RBMS3: variants seen among roughly 807,000 people sequenced by gnomAD.
RBMS3 encodes the protein RNA binding motif single stranded interacting protein 3, also known as RNA-binding motif, single-stranded-interacting protein 3.
RBMS3 carries 27 observed loss-of-function variants against 66.8 expected under a neutral mutation model. The ratio of observed to expected loss-of-function variants is 0.40; its 90% CI spans 0.30 to 0.56. The LOEUF (loss-of-function observed/expected upper bound fraction) is 0.56. Among genes scored for constraint, RBMS3 ranks in the 20% least tolerant of loss-of-function variants. The pLI, the probability that RBMS3 is intolerant of heterozygous loss-of-function variation, is 0.40. For missense variants in RBMS3, 513 were observed against 549.5 expected (o/e 0.93, Z 0.66); for synonymous variants, 188 against 183.0 (o/e 1.03, Z -0.22).
chr3:29,402,495 A>G (rs1489799292), intron 1 of RBMS3, among the ~76,000 whole-genome samples: 3 of 152,220 alleles, frequency 2.0e-5, no homozygotes, highest in African/African-American at 7.2e-5. Flanking sequence ...CAAAAATGTG[A>G]GTAAAATTAT....
At chr3:29,309,203 G>A (rs1200189570) in intron 1 of RBMS3, among the ~76,000 whole-genome samples, 3 of 139,400 alleles carry the variant, frequency 2.2e-5, no homozygotes, top group Admixed American at 7.0e-5. Context: ...CTGAAAATGG[G>A]GTATTTCCAC....
intron 3 of RBMS3, among the ~76,000 whole-genome samples, chr3:29,532,190 A>T (rs1383821718): frequency 6.8e-6 from 1 of 147,490 alleles, no homozygotes; most frequent in Non-Finnish European, 1.5e-5. Context: ...CAGAAAGATC[A>T]TTCCTGATCT....
At chr3:29,497,390 G>A (rs775777821) in intron 3 of RBMS3, among the ~76,000 whole-genome samples, 8 of 152,214 alleles carry the variant, frequency 5.3e-5, no homozygotes, top group Middle Eastern at 3.4e-3. Flanking sequence ...ACTTTCACCC[G>A]TAAACCGAAT....
In RBMS3 at chr3:29,583,350, G is replaced by A. The variant is rs1471135; in HGVS notation, c.308-3764G>A. On this transcript the variant is annotated intron_variant, in intron 3 of 14. Transcript: ENST00000383767. ...AAAATAAGAGGCTGCCTGCTGGGTG[G>A]CAGCATGGCTGAAACAGAACCATGA... Among the ~76,000 whole-genome samples, 1,065 of 152,256 alleles carry A rather than the reference G, an allele frequency of 7.0e-3. 31 individuals carry two copies. The highest frequency in any genetic ancestry group is 0.056 in the Admixed American group (858 of 15,276).
intron 14 of RBMS3, among the ~76,000 whole-genome samples, chr3:29,992,855 C>T (rs529849208): frequency 3.5e-4 from 53 of 152,262 alleles, no homozygotes; most frequent in African/African-American, 1.2e-3. Flanking sequence ...ATAGGCTATT[C>T]TCTTTAAACT....
intron 3 of RBMS3, among the ~76,000 whole-genome samples, chr3:29,499,417 CTAAA>C (rs1206718288): frequency 1.3e-5 from 2 of 152,014 alleles, no homozygotes; most frequent in African/African-American, 4.8e-5. Flanking sequence ...CTACAAAAAC[CTAAA>C]TAGAGTTTGA....
At chr3:29,762,750 G>T (rs2055748885) in intron 5 of RBMS3, among the ~76,000 whole-genome samples, 160 bp from the exon 6 acceptor site, 1 of 152,076 alleles carries the variant, frequency 6.6e-6, no homozygotes, top group Non-Finnish European at 1.5e-5. Context: ...AGTTTGTGAT[G>T]TTCTCTTATC....
At chr3:29,417,816 A>C (rs753687619) in intron 1 of RBMS3, among the ~76,000 whole-genome samples, 15 of 152,160 alleles carry the variant, frequency 9.9e-5, no homozygotes, top group Non-Finnish European at 1.9e-4. Flanking sequence ...CGGTGAAATA[A>C]AGTATATAAT....
At chr3:29,687,579 ATTATTTTGAGAAAT>A (rs1342022895) in intron 4 of RBMS3, among the ~76,000 whole-genome samples, 1 of 152,256 alleles carries the variant, frequency 6.6e-6, no homozygotes, top group Non-Finnish European at 1.5e-5. Flanking sequence ...AGCGAAGCTA[ATTATTTTGAGAAAT>A]GAATGATAAA....
At chr3:29,797,127 G>T (rs2057228098) in intron 6 of RBMS3, among the ~76,000 whole-genome samples, 1 of 152,094 alleles carries the variant, frequency 6.6e-6, no homozygotes, top group Non-Finnish European at 1.5e-5. Context: ...GTCCTAGATG[G>T]CATCTTCTTC....
chr3:29,893,351 G>A (rs1285842875), intron 8 of RBMS3, among the ~76,000 whole-genome samples: 5 of 151,442 alleles, frequency 3.3e-5, no homozygotes, highest in Non-Finnish European at 5.9e-5. Context: ...TCTGTTCTCT[G>A]TTTTCCCCAT....
At chr3:29,832,431 G>T (rs77719006) in intron 6 of RBMS3, among the ~76,000 whole-genome samples, 1 of 152,076 alleles carries the variant, frequency 6.6e-6, no homozygotes, top group Non-Finnish European at 1.5e-5. Flanking sequence ...GGGAGCCTGG[G>T]CATCTAGCAG....
intron 4 of RBMS3, among the ~76,000 whole-genome samples, chr3:29,663,065 T>C (rs565733227): frequency 1.3e-5 from 2 of 152,276 alleles, no homozygotes; most frequent in South Asian, 4.2e-4. Flanking sequence ...GCTTGTTTGT[T>C]TGTTTGGTTG....
intron 6 of RBMS3, among the ~76,000 whole-genome samples, chr3:29,798,157 A>G (rs1357326554): frequency 6.6e-6 from 1 of 151,406 alleles, no homozygotes; most frequent in African/African-American, 2.4e-5. Flanking sequence ...CAAAGAATAT[A>G]GATCATAGAT....
At chr3:29,441,085 C>G (rs951802197) in intron 2 of RBMS3, among the ~76,000 whole-genome samples, 6 of 152,170 alleles carry the variant, frequency 3.9e-5, no homozygotes, top group Non-Finnish European at 7.4e-5. Context: ...AAGTCAGACT[C>G]AAATTACGCA....
intron 2 of RBMS3, among the ~76,000 whole-genome samples, chr3:29,475,732 T>C (rs2042925263): frequency 6.6e-6 from 1 of 152,208 alleles, no homozygotes; most frequent in Non-Finnish European, 1.5e-5. Flanking sequence ...GGTGCCTAAG[T>C]ACAAAGATTC....
At chr3:29,293,236 A>G (rs1453884144) in intron 1 of RBMS3, among the ~76,000 whole-genome samples, 1 of 150,936 alleles carries the variant, frequency 6.6e-6, no homozygotes, top group Non-Finnish European at 1.5e-5. Flanking sequence ...TACGATCTGT[A>G]TGTGCTCACA....
rs537144820 is a variant in RBMS3, at chr3:29,630,034, GT to G, written c.399+42836del. On this transcript the variant is annotated intron_variant, in intron 4 of 14. Transcript: ENST00000383767. ...ACTAAAAACCAATATATGTTTGTTT[GT>G]TTTTTTCCTAGAAGGTGGCTGAAAC... Among the ~76,000 whole-genome samples the G allele has an allele frequency of 7.2e-5, 11 of 152,044 alleles. No homozygotes were observed. In the South Asian group the frequency reaches 2.1e-3, roughly 29 times the overall value.
intron 1 of RBMS3, among the ~76,000 whole-genome samples, chr3:29,370,598 A>G (rs1050494895): frequency 1.3e-5 from 2 of 152,194 alleles, no homozygotes; most frequent in African/African-American, 4.8e-5. Flanking sequence ...TGTCTAATAA[A>G]TCACCAGAGG....
Sources: allele counts gnomAD v4.1 joint callset (sites outside exome capture counted in the v4.1 genomes callset), GRCh38; gene constraint gnomAD v4.1.1; transcripts MANE v1.5; gene names NCBI Gene and HGNC (gene_info 2026-07-23, HGNC 2026-07-21).